The following KALRN variants were observed in gnomAD, a reference collection of about 807,000 sequenced individuals.
KALRN encodes kalirin.
In KALRN, 70 loss-of-function variants were observed where a neutral mutation model predicts 353.7. The ratio of observed to expected loss-of-function variants is 0.20; its 90% CI spans 0.16 to 0.24. The LOEUF is 0.24. KALRN is among the 10% of genes least tolerant of loss of function. The pLI is 1.00. For missense variants in KALRN, 2,791 were observed against 3,756.7 expected (o/e 0.74, Z 6.72); for synonymous variants, 1,391 against 1,434.8 (o/e 0.97, Z 0.69).
At chr3:124,636,086 G>T (rs1561485961) in intron 36 of KALRN, among the ~76,000 whole-genome samples, 1 of 152,104 alleles carries the variant, frequency 6.6e-6, no homozygotes, top group Non-Finnish European at 1.5e-5. Flanking sequence ...AGAGGAAAAA[G>T]AATATTGTTA....
chr3:124,147,544 AT>A (rs1474847355), intron 1 of KALRN, among the ~76,000 whole-genome samples: 3 of 152,202 alleles, frequency 2.0e-5, no homozygotes, highest in Non-Finnish European at 4.4e-5. Flanking sequence ...TTATTTTGAA[AT>A]AATTATACCT....
intron 1 of KALRN, among the ~76,000 whole-genome samples, chr3:124,192,322 A>C (rs2075005831): frequency 6.6e-6 from 1 of 152,184 alleles, no homozygotes; most frequent in Non-Finnish European, 1.5e-5. Context: ...TCTAAAAATC[A>C]AAACAATTAA....
intron 1 of KALRN, among the ~76,000 whole-genome samples, chr3:124,153,272 C>G (rs1417405449): frequency 9.5e-6 from 1 of 104,844 alleles, no homozygotes. Flanking sequence ...CCCCCCTCCC[C>G]CCACCCCACA....
At chr3:124,074,116 G>A (rs544363251) in intron 1 of KALRN, among the ~76,000 whole-genome samples, 1 of 152,194 alleles carries the variant, frequency 6.6e-6, no homozygotes, top group East Asian at 1.9e-4. Flanking sequence ...GAACAGTGGG[G>A]CTAGGCAGGG....
intron 10 of KALRN, among the ~76,000 whole-genome samples, chr3:124,349,646 A>G (rs951596392): frequency 2.0e-5 from 3 of 152,188 alleles, no homozygotes; most frequent in Admixed American, 6.5e-5. Context: ...CTGTGAATGT[A>G]CTTAATACCA....
chr3:124,282,872 C>G (rs2075484482), intron 5 of KALRN, among the ~76,000 whole-genome samples: 1 of 152,208 alleles, frequency 6.6e-6, no homozygotes. Context: ...TGGCTCCCTG[C>G]ATGGCCCCTT....
At chr3:124,635,732 C>CAATTAT (rs2081283910) in intron 36 of KALRN, among the ~76,000 whole-genome samples, 1 of 152,102 alleles carries the variant, frequency 6.6e-6, no homozygotes, top group Non-Finnish European at 1.5e-5. Context: ...TTTACTTTTA[C>CAATTAT]AATTATAATA....
At chr3:124,546,094 TG>T (rs1176797049) in intron 33 of KALRN, among the ~76,000 whole-genome samples, 1 of 152,100 alleles carries the variant, frequency 6.6e-6, no homozygotes, top group African/African-American at 2.4e-5. Flanking sequence ...TTAAATACAA[TG>T]GCCATTTTCA....
chr3:124,616,124 A>T (rs2078561036), intron 34 of KALRN, among the ~76,000 whole-genome samples: 1 of 152,174 alleles, frequency 6.6e-6, no homozygotes, highest in Admixed American at 6.5e-5. Context: ...TCCTCCATAT[A>T]TGCAGTTTCC....
At chr3:124,441,373 G>C (rs1175613903) in intron 18 of KALRN, among the ~76,000 whole-genome samples, 1 of 152,174 alleles carries the variant, frequency 6.6e-6, no homozygotes, top group African/African-American at 2.4e-5. Flanking sequence ...TATCTGAGAT[G>C]GAATGGGCAG....
intron 37 of KALRN, among the ~76,000 whole-genome samples, chr3:124,650,233 C>T (rs1422951475): frequency 6.6e-6 from 1 of 152,106 alleles, no homozygotes; most frequent in Non-Finnish European, 1.5e-5. Context: ...GGGGAAAACC[C>T]CATCATCATA....
chr3:124,101,100 C>G (rs2061827295), intron 1 of KALRN, among the ~76,000 whole-genome samples: 1 of 152,166 alleles, frequency 6.6e-6, no homozygotes, highest in Non-Finnish European at 1.5e-5. Context: ...TTGGATACAC[C>G]TCATGCAACT....
intron 1 of KALRN, among the ~76,000 whole-genome samples, chr3:124,115,445 A>C (rs2063365052): frequency 6.6e-6 from 1 of 152,136 alleles, no homozygotes; most frequent in African/African-American, 2.4e-5. Context: ...TCACGGGAGC[A>C]GTCGTAATTT....
rs137963582 is a variant in KALRN at position 124,398,859 on chromosome 3, G to A, written c.2334G>A (p.Gln778=). 93 of 1,608,782 alleles carry A rather than the reference G, an allele frequency of 5.8e-5. No individual in the cohort carries two copies. In the African/African-American group the frequency reaches 1.2e-3, roughly 20 times the overall value. Residue 778 remains glutamine, a synonymous_variant, in exon 13 of 60, where the codon CAG becomes CAA. Transcript: ENST00000682506. ...TCCTGCAACTGCGCATCTTTGAGCAGTACACCATCGAGGTAGCAGGGGGCC... is the reference window on the plus strand; with the variant it reads ...TCCTGCAACTGCGCATCTTTGAGCAATACACCATCGAGGTAGCAGGGGGCC... ...DIFLQLRIFE[Q]YTIEVTAELD...
intron 15 of KALRN, among the ~76,000 whole-genome samples, chr3:124,425,628 C>T (rs1022285672): frequency 1.2e-4 from 19 of 152,216 alleles, no homozygotes; most frequent in East Asian, 3.9e-4. Context: ...CAAAACATAA[C>T]GGGAAAATCA....
intron 2 of KALRN, among the ~76,000 whole-genome samples, chr3:124,231,754 C>T (rs1351077411): frequency 6.6e-6 from 1 of 151,942 alleles, no homozygotes; most frequent in South Asian, 2.1e-4. Context: ...AAAGAATAAC[C>T]TCATTCCCTA....
At chr3:124,160,895 T>C (rs962616065) in intron 1 of KALRN, among the ~76,000 whole-genome samples, 1 of 152,028 alleles carries the variant, frequency 6.6e-6, no homozygotes, top group African/African-American at 2.4e-5. Context: ...CTTAAAATGC[T>C]GTATAATATT....
intron 14 of KALRN, among the ~76,000 whole-genome samples, chr3:124,416,567 G>A (rs1314787788): frequency 1.3e-5 from 2 of 152,232 alleles, no homozygotes; most frequent in Non-Finnish European, 2.9e-5. Context: ...TGAATCCAGG[G>A]GTTTTAGGAA....
chr3:124,658,256 C>T lies in KALRN; in HGVS notation c.6037-175C>T, dbSNP rs529350797. ...TTTTTTGTTTTTTTGACCACCTTGGCGATTTGGAAAGTGGCTCTTGCCCAC... is the reference window on the plus strand; with the variant it reads ...TTTTTTGTTTTTTTGACCACCTTGGTGATTTGGAAAGTGGCTCTTGCCCAC... On this transcript the variant is annotated intron_variant, in intron 41 of 59. Coordinates refer to ENST00000682506, the MANE Select transcript of KALRN (RefSeq NM_001388419.1). 7.9e-5 allele frequency among the ~76,000 whole-genome samples: 12 copies of T among 152,234 alleles called. No homozygotes were observed. The East Asian group carries it at 1.4e-3, about 17-fold the overall frequency.
Sources: gnomAD v4.1 joint callset for allele counts (sites outside exome capture counted in the v4.1 genomes callset) on GRCh38, gnomAD v4.1.1 for gene constraint, MANE v1.5 for transcripts, NCBI Gene and HGNC (gene_info 2026-07-23, HGNC 2026-07-21) for gene names.